ALDH1A3: variants seen among roughly 807,000 people sequenced by gnomAD.
ALDH1A3 encodes aldehyde dehydrogenase 1 family member A3, also known as retinaldehyde dehydrogenase 3.
In ALDH1A3, 28 loss-of-function variants were observed where a neutral mutation model predicts 57.5. The ratio of observed to expected loss-of-function variants is 0.49; its 90% CI spans 0.36 to 0.67. The LOEUF (loss-of-function observed/expected upper bound fraction) is 0.67. ALDH1A3 is among the 30% of genes least tolerant of loss of function. The probability of loss-of-function intolerance (pLI) is 0.00; values close to 1 mark genes in which losing one functional copy is unlikely to be tolerated. For missense variants in ALDH1A3, 507 were observed against 669.4 expected (o/e 0.76, Z 2.68); for synonymous variants, 281 against 264.8 (o/e 1.06, Z -0.59).
chr15:100,901,376 G>C (rs1433094854), intron 9 of ALDH1A3, among the ~76,000 whole-genome samples: 4 of 152,196 alleles, frequency 2.6e-5, no homozygotes, highest in African/African-American at 9.6e-5. Context: ...AAAGAGGGCA[G>C]CCTGACCATC....
intron 4 of ALDH1A3, 120 bp from the exon 5 acceptor site, chr15:100,892,825 A>G (rs536064493): frequency 6.7e-6 from 9 of 1,340,690 alleles, no homozygotes; most frequent in African/African-American, 4.4e-5. Context: ...ACTTCTCTGT[A>G]TAATAGACAA....
intron 8 of ALDH1A3, among the ~76,000 whole-genome samples, chr15:100,898,663 G>C (rs1180297028): frequency 1.3e-5 from 2 of 152,216 alleles, no homozygotes; most frequent in African/African-American, 4.8e-5. Context: ...TCTCAGACCT[G>C]ATAAATCAGA....
chr15:100,895,429 G>T (rs180697949), intron 6 of ALDH1A3: 161 of 151,590 alleles, frequency 1.1e-3, no homozygotes, highest in African/African-American at 3.8e-3. Context: ...TAGCCAGGGC[G>T]ACAGAGCAAG....
At chr15:100,881,765 G>A (rs542896203) in intron 1 of ALDH1A3, among the ~76,000 whole-genome samples, 1 of 152,178 alleles carries the variant, frequency 6.6e-6, no homozygotes, top group South Asian at 2.1e-4. Flanking sequence ...TCTCCCAGGC[G>A]ATAAAGGCCC....
In ALDH1A3 at chr15:100,892,506, G is replaced by A. The variant is rs1596124388; in HGVS notation, c.346-4G>A. On this transcript the variant is annotated splice_region_variant and splice_polypyrimidine_tract_variant and intron_variant, in intron 3 of 12. Transcript: ENST00000329841. ...CCGAAACAGACATCATCTTGTTATTGCAGGCCCTGGAGACGATGGATACAG... is the reference window on the plus strand; with the variant it reads ...CCGAAACAGACATCATCTTGTTATTACAGGCCCTGGAGACGATGGATACAG... 1 of 1,610,236 alleles carries A rather than the reference G, an allele frequency of 6.2e-7. No homozygotes were observed. The highest frequency in any genetic ancestry group is 8.5e-7 in the Non-Finnish European group (1 of 1,179,150).
At chr15:100,881,834 C>T (rs576251173) in intron 1 of ALDH1A3, among the ~76,000 whole-genome samples, 2 of 152,332 alleles carry the variant, frequency 1.3e-5, no homozygotes, top group African/African-American at 4.8e-5. Flanking sequence ...CTGCTGCCTG[C>T]TCTGTCCTGG....
intron 9 of ALDH1A3, among the ~76,000 whole-genome samples, chr15:100,901,642 TG>T (rs368427255): frequency 8.0e-4 from 122 of 152,004 alleles, no homozygotes; most frequent in African/African-American, 2.5e-3. Flanking sequence ...ATCTGGAGAG[TG>T]GGAGTAATCA....
At chr15:100,905,455 T>G in intron 9 of ALDH1A3, 68 bp from the exon 10 acceptor site, 9 of 1,598,174 alleles carry the variant, frequency 5.6e-6, no homozygotes, top group South Asian at 5.5e-5. Flanking sequence ...TGAAGGCCAC[T>G]GAAAACATGA....
In ALDH1A3 at chr15:100,879,840, C is replaced by A. The variant is rs1366528794; in HGVS notation, c.-68C>A. ...GAGCTGCCACCCCGGGAGCGGGCTG[C>A]GCAGTGTCCGGGCCGAGCCGGTGCG... is the stretch of plus-strand genomic sequence containing the variant. On this transcript the variant is annotated 5_prime_UTR_variant, in exon 1 of 13. Transcript: ENST00000329841. 2.6e-6 allele frequency: 3 copies of A among 1,168,390 alleles called. No individual in the cohort carries two copies. Among genetic ancestry groups the A allele is most frequent in the African/African-American group, 1.6e-5 (1 of 62,166 alleles). The allele number at this position is 1,168,390 out of a possible 1,614,324, so 72.4% of individuals were successfully genotyped here. A position where few individuals can be genotyped will look rare whatever the true frequency, so the allele number is the denominator to read the frequency against.
rs1220277703 is a variant in ALDH1A3, at chr15:100,914,886, C to T, written c.*113C>T. 5.3e-6 allele frequency: 5 copies of T among 937,682 alleles called. No individual in the cohort carries two copies. Among genetic ancestry groups the T allele is most frequent in the Non-Finnish European group, 8.1e-6 (5 of 617,090 alleles). The allele number at this position is 937,682 out of a possible 1,614,324, so 58.1% of individuals were successfully genotyped here. A position where few individuals can be genotyped will look rare whatever the true frequency, so the allele number is the denominator to read the frequency against. On this transcript the variant is annotated 3_prime_UTR_variant, in exon 13 of 13. Transcript: ENST00000329841. ...TTCCCGGGACACATTCTTCTGGAGG[C>T]TTTACATCTACTGGAGTTGAATGAT...
rs1261832434 is a variant in ALDH1A3 at position 100,915,871 on chromosome 15, C to T, written c.*1098C>T. 4 of 152,160 alleles carry T rather than the reference C, an allele frequency of 2.6e-5. No individual in the cohort carries two copies. Among genetic ancestry groups the T allele is most frequent in the Non-Finnish European group, 5.9e-5 (4 of 68,040 alleles). 9.4% of individuals were successfully genotyped at this position (152,160 alleles called of 1,614,324 possible). ...GGACCTCGGTCTTCATCCAAGTGGC[C>T]TGAGTATTTCACTGGCAGGTTGTGA... On this transcript the variant is annotated 3_prime_UTR_variant, in exon 13 of 13. Transcript: ENST00000329841.
rs985676684 is a variant in ALDH1A3 at position 100,905,600 on chromosome 15, G to T, written c.1146G>T (p.Gly382=). The T allele has an allele frequency of 1.2e-6, 2 of 1,613,956 alleles. No individual in the cohort carries two copies. The highest frequency in any genetic ancestry group is 1.7e-6 in the Non-Finnish European group (2 of 1,179,942). ...GKKEGAKLEC[G]GSAMEDKGLF... ...AGGAAGGGGCCAAGCTGGAATGCGG[G>T]GGCTCAGCCATGGAAGACAAGGGGC... Residue 382 remains glycine, a synonymous_variant, in exon 10 of 13, where the codon GGG becomes GGT. Transcript: ENST00000329841.
rs1170039017 is a variant in ALDH1A3, at chr15:100,896,052, C to G, written c.780+6C>G. ...CCTTCACCGGCTCCACAGAGGTAAC[C>G]CTCCTCACAGGGTGCTGGGGAAAGT... is the stretch of plus-strand genomic sequence containing the variant. On this transcript the variant is annotated splice_donor_region_variant and intron_variant, in intron 7 of 12. Transcript: ENST00000329841. 3 of 1,602,250 alleles carry G rather than the reference C, an allele frequency of 1.9e-6. No homozygotes were observed. The highest frequency in any genetic ancestry group is 2.6e-6 in the Non-Finnish European group (3 of 1,173,498).
Position 100,908,449 on chromosome 15 carries a change from G to A in ALDH1A3, c.1433G>A (p.Gly478Asp), listed in dbSNP as rs947226082. ...YNALYAQAPF[G>D]GFKMSGNGRE... is the part of the protein sequence containing the mutation. ...GCCCTCTATGCACAGGCTCCATTTG[G>A]TGGCTTTAAAATGTCAGGAAATGGC... Residue 478 changes from glycine (G) to aspartate (D), a missense_variant, in exon 12 of 13, where the codon GGT becomes GAT. Transcript: ENST00000329841. 2 of 1,613,972 alleles carry A rather than the reference G, an allele frequency of 1.2e-6. No individual in the cohort carries two copies. The highest frequency in any genetic ancestry group is 8.5e-7 in the Non-Finnish European group (1 of 1,179,924).
At chr15:100,886,508 T>G (rs1014625227) in intron 2 of ALDH1A3, among the ~76,000 whole-genome samples, 3 of 152,070 alleles carry the variant, frequency 2.0e-5, no homozygotes, top group Admixed American at 6.6e-5. Flanking sequence ...AAATTCAGTG[T>G]CCCACATCTC....
At position 100,915,188 on chromosome 15, in the gene ALDH1A3, G is replaced by C. The variant is rs529359783; in HGVS notation, c.*415G>C. The C allele has an allele frequency of 5.4e-6, 1 of 185,824 alleles. No individual in the cohort carries two copies. Among genetic ancestry groups the C allele is most frequent in the African/African-American group, 2.3e-5 (1 of 43,510 alleles). The allele number at this position is 185,824 out of a possible 1,614,324, so 11.5% of individuals were successfully genotyped here. A position where few individuals can be genotyped will look rare whatever the true frequency, so the allele number is the denominator to read the frequency against. On this transcript the variant is annotated 3_prime_UTR_variant, in exon 13 of 13. Transcript: ENST00000329841. ...CTGCAAGCAGGGCTCTTGCACCAGC[G>C]GTCTCCTCAGGGTGGACCTGCTTAC...
intron 7 of ALDH1A3, among the ~76,000 whole-genome samples, chr15:100,897,165 C>T (rs1285548096): frequency 2.0e-5 from 3 of 152,260 alleles, no homozygotes; most frequent in Non-Finnish European, 4.4e-5. Flanking sequence ...ACAGACACTG[C>T]CCTGTGGATG....
chr15:100,900,839 G>T, intron 9 of ALDH1A3, 80 bp downstream of exon 9: 1 of 1,481,906 alleles, frequency 6.7e-7, no homozygotes, highest in Non-Finnish European at 9.2e-7. Context: ...CGCCTACAGG[G>T]TCCCTCTCCG....
At position 100,894,158 on chromosome 15, in the gene ALDH1A3, G is replaced by C. The variant is rs2041678203; in HGVS notation, c.666+76G>C. 1 of 1,554,994 alleles carries C rather than the reference G, an allele frequency of 6.4e-7. No individual in the cohort carries two copies. The highest frequency in any genetic ancestry group is 2.3e-5 in the East Asian group (1 of 44,426). On this transcript the variant is annotated intron_variant, in intron 6 of 12. Transcript: ENST00000329841. This position sits in a 1 kb window ranked among gnomAD's most constrained non-coding sequence, Gnocchi z 4.5. ...CCTAGGAACCAGGCCACCGTCACGA[G>C]ATGGGACAGTGGCAGACTGCTGGCA...
Sources: allele counts gnomAD v4.1 joint callset (sites outside exome capture counted in the v4.1 genomes callset), GRCh38; gene constraint gnomAD v4.1.1; non-coding constraint Gnocchi (gnomAD v3.1); transcripts MANE v1.5; gene names NCBI Gene and HGNC (gene_info 2026-07-23, HGNC 2026-07-21).